The following DCDC2C variants were observed in gnomAD, a reference collection of about 807,000 sequenced individuals.
The protein encoded by DCDC2C is doublecortin domain containing 2C.
DCDC2C carries 44 observed loss-of-function variants against 45.0 expected under a neutral mutation model. The ratio of observed to expected loss-of-function variants is 0.98; its 90% CI spans 0.77 to 1.26. The LOEUF (loss-of-function observed/expected upper bound fraction) is 1.26, where lower values mean the gene tolerates loss of function less well. DCDC2C is among the 50% of genes most tolerant of loss of function. The pLI is 0.00. For missense variants in DCDC2C, 447 were observed against 468.9 expected, an observed-to-expected ratio of 0.95 and a Z score of 0.43; for synonymous variants, 187 against 178.8, an observed-to-expected ratio of 1.05 and a Z score of -0.37.
intron 2 of DCDC2C, among the ~76,000 whole-genome samples, chr2:3,719,284 A>T (rs973002558): frequency 6.6e-6 from 1 of 151,924 alleles, no homozygotes; most frequent in African/African-American, 2.4e-5. Flanking sequence ...ATGGTGTTTC[A>T]CCATGTTAGC....
chr2:3,812,431 C>T (rs1671422992), intron 10 of DCDC2C, among the ~76,000 whole-genome samples: 1 of 151,506 alleles, frequency 6.6e-6, no homozygotes, highest in Non-Finnish European at 1.5e-5. Context: ...TGGTGATATC[C>T]CCTTTATCAT....
At chr2:3,705,953 A>AAAAT (rs2148036723) in intron 1 of DCDC2C, among the ~76,000 whole-genome samples, 1 of 152,278 alleles carries the variant, frequency 6.6e-6, no homozygotes, top group African/African-American at 2.4e-5. Context: ...TCACTGCTGT[A>AAAAT]AAATAGATGA....
intron 4 of DCDC2C, among the ~76,000 whole-genome samples, chr2:3,749,950 G>A (rs60788956): frequency 0.049 from 7,520 of 152,066 alleles, 294 homozygotes; most frequent in African/African-American, 0.1. Context: ...GAGTTTTTTC[G>A]GGTGCATTTT....
intron 10 of DCDC2C, among the ~76,000 whole-genome samples, chr2:3,846,078 T>A (rs1672320416): frequency 6.6e-6 from 1 of 152,106 alleles, no homozygotes; most frequent in Non-Finnish European, 1.5e-5. Flanking sequence ...GGGACGGGAC[T>A]GGAACTCATG....
intron 9 of DCDC2C, among the ~76,000 whole-genome samples, chr2:3,780,183 A>G (rs186996013): frequency 1.3e-5 from 2 of 152,082 alleles, no homozygotes; most frequent in African/African-American, 4.8e-5. Context: ...CAGGAGTGAC[A>G]GTGCAGACAT....
intron 6 of DCDC2C, among the ~76,000 whole-genome samples, chr2:3,759,040 A>G (rs1166242230): frequency 6.6e-6 from 1 of 152,168 alleles, no homozygotes. Context: ...TGTTCCTGAG[A>G]GTGGTGCAAA....
chr2:3,811,516 C>T (rs1229144278), intron 10 of DCDC2C, among the ~76,000 whole-genome samples: 1 of 152,172 alleles, frequency 6.6e-6, no homozygotes, highest in South Asian at 2.1e-4. Flanking sequence ...ACAGTCATGT[C>T]ATCTGCAAAC....
chr2:3,729,631 T>A (rs1017204852), intron 3 of DCDC2C, among the ~76,000 whole-genome samples: 3 of 152,218 alleles, frequency 2.0e-5, no homozygotes, highest in African/African-American at 7.2e-5. Flanking sequence ...CGCCAGAGAC[T>A]GGGAGACAGG....
chr2:3,728,774 C>T (rs775161096), intron 3 of DCDC2C, among the ~76,000 whole-genome samples: 2 of 152,196 alleles, frequency 1.3e-5, no homozygotes, highest in Non-Finnish European at 2.9e-5. Context: ...GAGAGAAAGG[C>T]GGGGTGTGAC....
intron 2 of DCDC2C, among the ~76,000 whole-genome samples, chr2:3,724,491 C>T (rs1668583331): frequency 6.6e-6 from 1 of 152,204 alleles, no homozygotes; most frequent in African/African-American, 2.4e-5. Flanking sequence ...TCTTTTAAAA[C>T]ACAGTTCTGT....
chr2:3,746,963 G>A (rs1210957245), intron 4 of DCDC2C, among the ~76,000 whole-genome samples: 5 of 152,032 alleles, frequency 3.3e-5, no homozygotes, highest in South Asian at 2.1e-4. Flanking sequence ...CCCTGGGAGC[G>A]AGGAGGTGTG....
intron 10 of DCDC2C, among the ~76,000 whole-genome samples, chr2:3,834,802 G>A (rs1672035743): frequency 6.6e-6 from 1 of 152,204 alleles, no homozygotes; most frequent in South Asian, 2.1e-4. Context: ...TGGCCCTGGG[G>A]AACATCAAAT....
At chr2:3,832,174 A>G (rs10209243) in intron 10 of DCDC2C, among the ~76,000 whole-genome samples, 1 of 152,250 alleles carries the variant, frequency 6.6e-6, no homozygotes, top group African/African-American at 2.4e-5. Flanking sequence ...AAATGGTTTC[A>G]GAAAGTATTC....
intron 3 of DCDC2C, among the ~76,000 whole-genome samples, chr2:3,740,313 G>A (rs1341192298): frequency 1.3e-5 from 2 of 152,044 alleles, no homozygotes; most frequent in Admixed American, 6.6e-5. Flanking sequence ...CTTTTCTGTC[G>A]GGTGGATTTC....
intron 10 of DCDC2C, among the ~76,000 whole-genome samples, chr2:3,791,545 G>T (rs1670811244): frequency 6.6e-6 from 1 of 152,214 alleles, no homozygotes; most frequent in Non-Finnish European, 1.5e-5. Context: ...GCGGATGCAG[G>T]TCAGTTTTCA....
intron 9 of DCDC2C, among the ~76,000 whole-genome samples, chr2:3,784,317 T>C (rs1670592436): frequency 6.6e-6 from 1 of 152,178 alleles, no homozygotes; most frequent in South Asian, 2.1e-4. Flanking sequence ...TTTTGCTCTT[T>C]CTATTAAAAT....
chr2:3,766,895 CTGTT>C (rs893692496), intron 6 of DCDC2C, among the ~76,000 whole-genome samples: 1 of 152,200 alleles, frequency 6.6e-6, no homozygotes, highest in Non-Finnish European at 1.5e-5. Context: ...GGATTTTTGA[CTGTT>C]TGATGGTGCC....
At chr2:3,758,484 A>G (rs1244751850) in intron 6 of DCDC2C, among the ~76,000 whole-genome samples, 2 of 152,212 alleles carry the variant, frequency 1.3e-5, no homozygotes, top group African/African-American at 2.4e-5. Flanking sequence ...CTAAAAGTAG[A>G]ACATCACGAT....
At position 3,847,317 on chromosome 2, in the gene DCDC2C, G is replaced by A. The variant is rs1175442224; in HGVS notation, c.*134G>A. 7 of 505,228 alleles carry A rather than the reference G, an allele frequency of 1.4e-5. No homozygotes were observed. Among genetic ancestry groups the A allele is most frequent in the East Asian group, 1.1e-4 (3 of 28,286 alleles). The allele number at this position is 505,228 out of a possible 1,614,324, so 31.3% of individuals were successfully genotyped here. On this transcript the variant is annotated 3_prime_UTR_variant, in exon 11 of 11. Coordinates refer to ENST00000399143, the MANE Select transcript of DCDC2C (RefSeq NM_001287444.2). ...AAGCCCCACACAGTGGTGTCTTCTC[G>A]AAAGCCAAAGACGAGGTTTCATAAT... is the stretch of plus-strand genomic sequence containing the variant.
Sources: allele counts gnomAD v4.1 joint callset (sites outside exome capture counted in the v4.1 genomes callset), GRCh38; gene constraint gnomAD v4.1.1; transcripts MANE v1.5; gene names NCBI Gene and HGNC (gene_info 2026-07-23, HGNC 2026-07-21).